The following IL1R1 variants were observed in gnomAD, a reference collection of about 807,000 sequenced individuals.
IL1R1 encodes interleukin 1 receptor type 1.
In IL1R1, 22 loss-of-function variants were observed where a neutral mutation model predicts 50.2. The ratio of observed to expected loss-of-function variants is 0.44; its 90% confidence interval spans 0.31 to 0.63. IL1R1 has a LOEUF of 0.63. Ranked by LOEUF, IL1R1 falls within the 20% of genes least tolerant of loss-of-function variation. The pLI is 0.07. For synonymous variants in IL1R1, 251 were observed against 236.7 expected, an observed-to-expected ratio of 1.06 and a Z score of -0.55; for missense variants, 509 against 676.2, an observed-to-expected ratio of 0.75 and a Z score of 2.74.
At chr2:102,134,566 C>A (rs181305993) in intron 1 of IL1R1, among the ~76,000 whole-genome samples, 2 of 151,940 alleles carry the variant, frequency 1.3e-5, no homozygotes, top group African/African-American at 4.8e-5. Flanking sequence ...TTAGTAGAGA[C>A]GGGTTTTCTC....
chr2:102,106,038 A>G (rs1680391623), intron 1 of IL1R1, among the ~76,000 whole-genome samples: 1 of 152,170 alleles, frequency 6.6e-6, no homozygotes, highest in Admixed American at 6.5e-5. Context: ...AAAAAGGAAA[A>G]CCTAATGAAG....
At chr2:102,100,415 T>C (rs1036724984), upstream of IL1R1, among the ~76,000 whole-genome samples, 11 of 152,230 alleles carry the variant, frequency 7.2e-5, no homozygotes, top group African/African-American at 2.7e-4. Flanking sequence ...CAGTAGAGCA[T>C]ACTCTTCTAA....
intron 1 of IL1R1, among the ~76,000 whole-genome samples, chr2:102,151,689 G>A (rs1411909711): frequency 2.0e-5 from 3 of 152,374 alleles, no homozygotes; most frequent in East Asian, 3.9e-4. Flanking sequence ...GGGAGAGCCT[G>A]TGTCACTCGT....
At chr2:102,163,573 A>G (rs528616838) in intron 3 of IL1R1, among the ~76,000 whole-genome samples, 2 of 152,206 alleles carry the variant, frequency 1.3e-5, no homozygotes, top group East Asian at 3.9e-4. Context: ...AATCTCTTTC[A>G]TGTCTTCACT....
intron 2 of IL1R1, among the ~76,000 whole-genome samples, chr2:102,154,278 A>C (rs2287049): frequency 6.6e-6 from 1 of 152,080 alleles, no homozygotes; most frequent in Non-Finnish European, 1.5e-5. Context: ...CTGGGAAATG[A>C]TGGGTTCCAG....
chr2:102,160,749 C>T (rs1318450873), intron 3 of IL1R1, among the ~76,000 whole-genome samples: 2 of 152,184 alleles, frequency 1.3e-5, no homozygotes, highest in Non-Finnish European at 2.9e-5. Context: ...TTATGCTGCC[C>T]TGCCTTGCCT....
Position 102,177,056 on chromosome 2 carries a change from A to C in IL1R1, c.*297A>C, listed in dbSNP as rs1686204432. ...TGAAGTGGGTGGATCACCAGAGGTCAGGAGTTCGAGACCAGCCCAGCCAAC... is the reference window on the plus strand; with the variant it reads ...TGAAGTGGGTGGATCACCAGAGGTCCGGAGTTCGAGACCAGCCCAGCCAAC... On this transcript the variant is annotated 3_prime_UTR_variant, in exon 12 of 12. Transcript: ENST00000410023. 1 of 312,556 alleles carries C rather than the reference A, an allele frequency of 3.2e-6. No homozygotes were observed. Among genetic ancestry groups the C allele is most frequent in the South Asian group, 4.8e-5 (1 of 20,836 alleles). 19.4% of individuals were successfully genotyped at this position (312,556 alleles called of 1,614,324 possible).
chr2:102,117,786 T>C (rs1425896096), intron 1 of IL1R1, among the ~76,000 whole-genome samples: 2 of 152,152 alleles, frequency 1.3e-5, no homozygotes, highest in African/African-American at 4.8e-5. Flanking sequence ...TGCCCAGTGT[T>C]CCGAGTGCTT....
intron 1 of IL1R1, among the ~76,000 whole-genome samples, chr2:102,129,467 T>C (rs911584735): frequency 6.6e-6 from 1 of 152,226 alleles, no homozygotes; most frequent in Non-Finnish European, 1.5e-5. Flanking sequence ...ATAGGTCAGA[T>C]GACCAGTTAA....
upstream of IL1R1, among the ~76,000 whole-genome samples, chr2:102,100,261 C>T (rs568398588): frequency 2.4e-4 from 37 of 152,230 alleles, no homozygotes; most frequent in African/African-American, 8.4e-4. Context: ...TCCTGCATTC[C>T]TCTGCTCTGT....
At chr2:102,111,508 A>G (rs1172542477) in intron 1 of IL1R1, among the ~76,000 whole-genome samples, 3 of 152,150 alleles carry the variant, frequency 2.0e-5, no homozygotes, top group Non-Finnish European at 4.4e-5. Flanking sequence ...ACTGACTGAT[A>G]ATTTTGACAG....
At chr2:102,087,704 T>A (rs561448342) in intron 1 of IL1R1, among the ~76,000 whole-genome samples, 1 of 152,316 alleles carries the variant, frequency 6.6e-6, no homozygotes, top group Admixed American at 6.5e-5. Context: ...CGTGCCTTGC[T>A]TCCTCTTCAC....
intron 1 of IL1R1, among the ~76,000 whole-genome samples, chr2:102,120,834 C>A (rs1334084398): frequency 1.3e-5 from 2 of 152,154 alleles, no homozygotes; most frequent in African/African-American, 4.8e-5. Context: ...GGAACACTGC[C>A]TAGTACATGG....
upstream of IL1R1, among the ~76,000 whole-genome samples, chr2:102,101,346 G>T (rs186212426): frequency 4.6e-5 from 7 of 152,282 alleles, no homozygotes; most frequent in Middle Eastern, 3.4e-3. Context: ...TTTAACCCAG[G>T]TCTGCTGGCG....
At position 102,106,269 on chromosome 2, in the gene IL1R1, T is replaced by G. The variant is rs138651341; in HGVS notation, c.-84+1397T>G. ...GTGTGTGTCTGTGTGTGTGTGCATT[T>G]GATGCCAGAGATTGGTGTTTACTAT... On this transcript the variant is annotated intron_variant, in intron 1 of 10. Coordinates refer to the IL1R1 transcript ENST00000409329. 1.1e-4 allele frequency among the ~76,000 whole-genome samples: 17 copies of G among 152,246 alleles called. No individual in the cohort carries two copies. In the East Asian group the frequency reaches 1.7e-3, roughly 16 times the overall value.
At chr2:102,161,964 A>G (rs1684771144) in intron 3 of IL1R1, among the ~76,000 whole-genome samples, 1 of 152,130 alleles carries the variant, frequency 6.6e-6, no homozygotes, top group Non-Finnish European at 1.5e-5. Flanking sequence ...AGCCTTGCAA[A>G]GTGCTGGGAT....
intron 1 of IL1R1, among the ~76,000 whole-genome samples, chr2:102,107,306 G>A (rs1298600466): frequency 6.6e-6 from 1 of 152,164 alleles, no homozygotes; most frequent in Non-Finnish European, 1.5e-5. Context: ...GGAATACTAT[G>A]CAGCCATGAA....
intron 1 of IL1R1, among the ~76,000 whole-genome samples, chr2:102,098,139 C>G (rs900366235): frequency 6.6e-6 from 1 of 151,862 alleles, no homozygotes; most frequent in African/African-American, 2.4e-5. Flanking sequence ...TATTATATAT[C>G]ATATATAGAG....
At chr2:102,141,310 C>A (rs575857836), upstream of IL1R1, among the ~76,000 whole-genome samples, 15 of 152,352 alleles carry the variant, frequency 9.8e-5, 2 homozygotes, top group African/African-American at 1.7e-4. Flanking sequence ...GAGACTCTGA[C>A]GTGACTGATC....
Sources: allele counts gnomAD v4.1 joint callset (sites outside exome capture counted in the v4.1 genomes callset), GRCh38; gene constraint gnomAD v4.1.1; transcripts MANE v1.5; gene names NCBI Gene and HGNC (gene_info 2026-07-23, HGNC 2026-07-21).